The following ATP2B3 variants were observed in gnomAD, a reference collection of about 807,000 sequenced individuals.
ATP2B3 encodes the protein plasma membrane calcium-transporting ATPase 3.
A neutral mutation model predicts 70.8 loss-of-function variants in ATP2B3; 12 were observed. The observed-to-expected ratio is 0.17, with a 90% CI of 0.11 to 0.27. ATP2B3 has a LOEUF of 0.27. Ranked by LOEUF, ATP2B3 falls within the 10% of genes least tolerant of loss-of-function variation. ATP2B3 has a pLI of 1.00. For missense variants in ATP2B3, 858 were observed against 1,118.5 expected (o/e 0.77, Z 3.32); for synonymous variants, 460 against 497.8 (o/e 0.92, Z 1.01).
chrX:153,547,600 C>T (rs1263184633), intron 8 of ATP2B3, among the ~76,000 whole-genome samples: 1 of 111,594 alleles, frequency 9.0e-6, no homozygotes, highest in African/African-American at 3.3e-5. Context: ...TCCCTTCTCC[C>T]GAGAGAACCA....
chrX:153,581,416 A>G lies in ATP2B3; in HGVS notation c.*1118A>G, dbSNP rs1557023076. The G allele has an allele frequency of 8.9e-6, 1 of 112,279 alleles. No individual in the cohort carries two copies. 9.3% of individuals were successfully genotyped at this position (112,279 alleles called of 1,213,427 possible). A position where few individuals can be genotyped will look rare whatever the true frequency, so the allele number is the denominator to read the frequency against. ...TCTTTGGTTCCTACTCCAATTCCAC[A>G]TCCTTCATCCTGGCCATGCCCCCAC... On this transcript the variant is annotated 3_prime_UTR_variant, in exon 22 of 22. Transcript: ENST00000263519.
At chrX:153,529,864 G>C (rs1359024654) in intron 2 of ATP2B3, among the ~76,000 whole-genome samples, 1 of 112,212 alleles carries the variant, frequency 8.9e-6, no homozygotes, top group Non-Finnish European at 1.9e-5. Context: ...ACGTCCTCAA[G>C]GGTCAGCCAT....
intron 2 of ATP2B3, among the ~76,000 whole-genome samples, chrX:153,525,679 C>T (rs1183215639): frequency 7.1e-5 from 8 of 112,235 alleles, no homozygotes; most frequent in East Asian, 2.8e-4. Flanking sequence ...AGTCAGAGGG[C>T]GGCTGCCAGC....
chrX:153,542,129 C>G (rs1477130653), intron 5 of ATP2B3, among the ~76,000 whole-genome samples, 194 bp from the exon 6 acceptor site: 1 of 106,599 alleles, frequency 9.4e-6, no homozygotes, highest in Non-Finnish European at 2.0e-5. Context: ...AGCAGGCCCC[C>G]GAAGAATCAA....
At chrX:153,553,318 C>T (rs1282806168) in intron 13 of ATP2B3, 49 bp downstream of exon 13, 1 of 1,090,814 alleles carries the variant, frequency 9.2e-7, no homozygotes, top group African/African-American at 1.8e-5. Context: ...TGCCCTCTGC[C>T]CGAGCTTGTC....
At chrX:153,545,769 C>T (rs782165583) in intron 7 of ATP2B3, among the ~76,000 whole-genome samples, 1 of 112,093 alleles carries the variant, frequency 8.9e-6, no homozygotes, top group South Asian at 3.7e-4. Context: ...GCAGACGTCC[C>T]GACTTGGGGA....
intron 21 of ATP2B3, chrX:153,569,481 C>T (rs1310947149): frequency 1.3e-5 from 11 of 834,305 alleles, no homozygotes; most frequent in Middle Eastern, 4.2e-4. Flanking sequence ...CGGGGTGACC[C>T]GATGAGGCTT....
At chrX:153,528,158 A>G in intron 2 of ATP2B3, among the ~76,000 whole-genome samples, 1 of 113,062 alleles carries the variant, frequency 8.8e-6, no homozygotes, top group Non-Finnish European at 1.9e-5. Context: ...CATTGGTTCT[A>G]ATCACTTGCT....
Position 153,565,114 on chromosome X carries a change from A to G in ATP2B3, c.3342+11A>G. On this transcript the variant is annotated intron_variant, in intron 21 of 21. Coordinates refer to ENST00000263519, the MANE Select transcript of ATP2B3 (RefSeq NM_001001344.3). ...CGGATTCAGACGCAGGTAAGCCCCG[A>G]CTCGCTCTCGCCCTGGCACTTCCAC... 1 of 1,166,117 alleles carries G rather than the reference A, an allele frequency of 8.6e-7. No homozygotes were observed. The highest frequency in any genetic ancestry group is 1.9e-5 in the South Asian group (1 of 52,091).
chrX:153,562,686 G>A (rs1052434125), intron 20 of ATP2B3, among the ~76,000 whole-genome samples: 59 of 112,324 alleles, frequency 5.3e-4, no homozygotes, highest in African/African-American at 1.3e-3. Flanking sequence ...AGCTGAAGCC[G>A]CACACTGGCA....
intron 21 of ATP2B3, among the ~76,000 whole-genome samples, chrX:153,567,082 C>T (rs1291506351): frequency 1.8e-5 from 2 of 112,630 alleles, no homozygotes; most frequent in Non-Finnish European, 3.8e-5. Flanking sequence ...TGAACACTGT[C>T]ACCTATGCCC....
chrX:153,533,343 A>T (rs1557002634), intron 2 of ATP2B3: 1 of 111,795 alleles, frequency 8.9e-6, no homozygotes, highest in Non-Finnish European at 1.9e-5. Context: ...AGAATGTTCC[A>T]CTTGAATTGT....
At chrX:153,523,024 C>T (rs1189560473) in intron 2 of ATP2B3, among the ~76,000 whole-genome samples, 1 of 111,684 alleles carries the variant, frequency 9.0e-6, no homozygotes, top group African/African-American at 3.2e-5. Flanking sequence ...AATGTAAATC[C>T]AACATCTCCA....
At chrX:153,520,390 C>T (rs539722439) in intron 2 of ATP2B3, among the ~76,000 whole-genome samples, 1 of 112,392 alleles carries the variant, frequency 8.9e-6, no homozygotes, top group South Asian at 3.7e-4. Context: ...CTTTTCACCT[C>T]CTCCCCCACC....
intron 21 of ATP2B3, chrX:153,574,595 C>T (rs2090831698): frequency 4.0e-6 from 1 of 251,484 alleles, no homozygotes; most frequent in East Asian, 1.1e-4. Context: ...TCAGGCACAG[C>T]TTCTGTCGTT....
chrX:153,522,274 G>C (rs2089969136), intron 2 of ATP2B3, among the ~76,000 whole-genome samples: 1 of 112,737 alleles, frequency 8.9e-6, no homozygotes, highest in Admixed American at 9.3e-5. Flanking sequence ...TGCTTCAGGG[G>C]AGACGACGGA....
intron 10 of ATP2B3, among the ~76,000 whole-genome samples, 177 bp downstream of exon 10, chrX:153,549,031 C>T (rs1557010086): frequency 2.7e-5 from 3 of 109,349 alleles, no homozygotes; most frequent in South Asian, 8.1e-4. Context: ...TCAGGTCCCT[C>T]GGCATGAGAT....
chrX:153,558,091 G>C, intron 16 of ATP2B3, 21 bp from the exon 17 acceptor site: 1 of 1,197,071 alleles, frequency 8.4e-7, no homozygotes, highest in Non-Finnish European at 1.1e-6. Context: ...CTCTGTGTGA[G>C]TGTGTGTGTC....
In ATP2B3 at chrX:153,564,722, G is replaced by A. The variant is rs111758388; in HGVS notation, c.3160-199G>A. On this transcript the variant is annotated intron_variant, in intron 20 of 21. Transcript: ENST00000263519. ...TCCTGAAAATGCATCTCAGCCCCCC[G>A]GGGGAACACTACGCCAGTTCTCCAA... Among the ~76,000 whole-genome samples, 2,115 of 113,312 alleles carry A rather than the reference G, an allele frequency of 0.019. 56 individuals are homozygous for A. Among genetic ancestry groups the A allele is most frequent in the African/African-American group, 0.065 (2,034 of 31,229 alleles).
Sources: gnomAD v4.1 joint callset for allele counts (sites outside exome capture counted in the v4.1 genomes callset) on GRCh38, gnomAD v4.1.1 for gene constraint, MANE v1.5 for transcripts, NCBI Gene and HGNC (gene_info 2026-07-23, HGNC 2026-07-21) for gene names.